The following MYOM2 variants were observed in gnomAD, a reference collection of about 807,000 sequenced individuals.
The protein encoded by MYOM2 is myomesin 2, also known as myomesin-2.
In MYOM2, 254 loss-of-function variants were observed where a neutral mutation model predicts 187.6. The observed-to-expected ratio is 1.35, with a 90% CI of 1.22 to 1.50. MYOM2 has a LOEUF of 1.50. MYOM2 is among the 40% of genes most tolerant of loss of function. The pLI is 0.00. For synonymous variants in MYOM2, 981 were observed against 753.8 expected, an observed-to-expected ratio of 1.30 and a Z score of -4.94; for missense variants, 2,796 against 1,924.0, an observed-to-expected ratio of 1.45 and a Z score of -8.48.
chr8:2,061,144 T>A (rs745639992), intron 6 of MYOM2, among the ~76,000 whole-genome samples: 8 of 151,150 alleles, frequency 5.3e-5, no homozygotes, highest in Non-Finnish European at 8.9e-5. Flanking sequence ...TGGGGCCTGG[T>A]TGGGAAGAGG....
chr8:2,071,569 T>C (rs867128848), intron 8 of MYOM2, among the ~76,000 whole-genome samples: 1 of 152,166 alleles, frequency 6.6e-6, no homozygotes, highest in African/African-American at 2.4e-5. Context: ...AGCCACAGTC[T>C]GGGGCTGAGG....
intron 25 of MYOM2, 35 bp from the exon 26 acceptor site, chr8:2,115,925 T>C (rs1444857945): frequency 4.4e-6 from 7 of 1,598,544 alleles, no homozygotes; most frequent in Non-Finnish European, 5.1e-6. Flanking sequence ...GAGATTTCCT[T>C]GTATAATTCT....
chr8:2,109,536 G>A lies in MYOM2; in HGVS notation c.3180+5G>A. On this transcript the variant is annotated splice_donor_5th_base_variant and intron_variant, in intron 25 of 36. Transcript: ENST00000262113. ...AGAGAAGTCTCTGACAGCGAGGTGA[G>A]TTCCTGTGTGAGTGATCTCTGGCTT... The A allele has an allele frequency of 3.7e-6, 6 of 1,606,286 alleles. No individual in the cohort carries two copies. The highest frequency in any genetic ancestry group is 1.1e-5 in the South Asian group (1 of 89,678).
At chr8:2,058,536 A>C (rs1818749365) in intron 5 of MYOM2, among the ~76,000 whole-genome samples, 1 of 152,230 alleles carries the variant, frequency 6.6e-6, no homozygotes, top group Non-Finnish European at 1.5e-5. Context: ...TAAGCCCTCA[A>C]GACCCTTTTT....
In MYOM2 at chr8:2,049,939, G is replaced by A. The variant is rs552925794; in HGVS notation, c.-12-816G>A. Among the ~76,000 whole-genome samples, 8 of 152,242 alleles carry A rather than the reference G, an allele frequency of 5.3e-5. No individual in the cohort carries two copies. In the South Asian group the frequency reaches 1.7e-3, roughly 32 times the overall value. On this transcript the variant is annotated intron_variant, in intron 1 of 36. Coordinates refer to ENST00000262113, the MANE Select transcript of MYOM2 (RefSeq NM_003970.4). ...TCTCGAATTTCCCCACATCCCTGAGGCTTTCATGCCAGGCTCTGTCCTCAC... is the reference window on the plus strand; with the variant it reads ...TCTCGAATTTCCCCACATCCCTGAGACTTTCATGCCAGGCTCTGTCCTCAC...
chr8:2,102,915 T>A (rs1796758503), intron 21 of MYOM2, 134 bp downstream of exon 21: 1 of 682,570 alleles, frequency 1.5e-6, no homozygotes, highest in Non-Finnish European at 2.6e-6. Flanking sequence ...TATGTGTGGA[T>A]GGGTCTGTAG....
At chr8:2,136,677 C>T (rs75552276) in intron 32 of MYOM2, among the ~76,000 whole-genome samples, 3,055 of 152,280 alleles carry the variant, frequency 0.02, 93 homozygotes, top group African/African-American at 0.07. Context: ...TGTCCAATTA[C>T]ACCAAAGTCA....
intron 15 of MYOM2, among the ~76,000 whole-genome samples, chr8:2,091,643 T>C (rs2116734285): frequency 6.6e-6 from 1 of 152,338 alleles, no homozygotes; most frequent in East Asian, 1.9e-4. Flanking sequence ...CAGGGCATCC[T>C]CAAGTTTCTA....
chr8:2,094,243 C>T (rs7828132), intron 17 of MYOM2, 152 bp downstream of exon 17: 212,364 of 935,646 alleles, frequency 0.23, 27,459 homozygotes, highest in African/African-American at 0.47. Context: ...TGAAGCCTCT[C>T]GGTTGGCTGC....
chr8:2,106,313 A>G lies in MYOM2; in HGVS notation c.2806A>G (p.Thr936Ala), dbSNP rs1193319239. 2 of 1,614,176 alleles carry G rather than the reference A, an allele frequency of 1.2e-6. No individual in the cohort carries two copies. The highest frequency in any genetic ancestry group is 2.7e-5 in the African/African-American group (2 of 75,054). ...IYLGFDCQEM[T>A]DASQFTWCKS... ...TCTGGGCTTCGACTGCCAGGAAATG[A>G]CAGACGCGTCTCAGTTCACCTGGTG... The change falls in exon 22 of 37, where the codon ACA (threonine) becomes GCA (alanine). Residue 936 changes from threonine to alanine, a missense_variant. Physicochemically the swap from Thr to Ala is moderately conservative, Grantham distance 58. Transcript: ENST00000262113.
At chr8:2,096,099 G>A (rs1796472570) in intron 17 of MYOM2, 148 bp from the exon 18 acceptor site, 2 of 693,426 alleles carry the variant, frequency 2.9e-6, no homozygotes, top group Admixed American at 2.5e-5. Flanking sequence ...AGGTGGTTAA[G>A]TGTGGGTTGA....
chr8:2,073,290 C>T, intron 9 of MYOM2, 49 bp from the exon 10 acceptor site: 9 of 1,571,110 alleles, frequency 5.7e-6, no homozygotes, highest in East Asian at 2.3e-5. Flanking sequence ...CTTTCTTTGC[C>T]TGCTGGGGTG....
intron 18 of MYOM2, chr8:2,097,066 TC>T: frequency 2.1e-6 from 2 of 954,006 alleles, no homozygotes; most frequent in Non-Finnish European, 2.5e-6. Context: ...ACACTACAGC[TC>T]CCGTCCGGAC....
intron 2 of MYOM2, among the ~76,000 whole-genome samples, chr8:2,051,669 C>T (rs992132753): frequency 4.6e-5 from 7 of 152,208 alleles, no homozygotes; most frequent in Non-Finnish European, 8.8e-5. Flanking sequence ...ATAATCCTGG[C>T]GTGGAGCCAG....
At chr8:2,133,224 G>A (rs1797937989) in intron 32 of MYOM2, among the ~76,000 whole-genome samples, 1 of 152,214 alleles carries the variant, frequency 6.6e-6, no homozygotes, top group Non-Finnish European at 1.5e-5. Flanking sequence ...TCTTCCCAAA[G>A]GAGGTCTGCA....
Position 2,078,748 on chromosome 8 carries a change from C to G in MYOM2, c.1277C>G (p.Thr426Arg), listed in dbSNP as rs200668762. 2.5e-6 allele frequency: 4 copies of G among 1,614,026 alleles called. No individual in the cohort carries two copies. In the East Asian group the frequency reaches 6.7e-5, roughly 27 times the overall value. Residue 426 changes from threonine to arginine, a missense_variant, in exon 12 of 37, where the codon ACG becomes AGG. Transcript: ENST00000262113. ...GYFVDRCEVG[T>R]NNWVQCNDAP... ...TTAACTTGAAGATGTGAAGTAGGAACGAATAATTGGGTGCAGTGCAATGAT... is the reference window on the plus strand; with the variant it reads ...TTAACTTGAAGATGTGAAGTAGGAAGGAATAATTGGGTGCAGTGCAATGAT...
At chr8:2,085,070 A>T in intron 13 of MYOM2, 193 bp from the exon 14 acceptor site, 1 of 626,180 alleles carries the variant, frequency 1.6e-6, no homozygotes, top group East Asian at 2.8e-5. Flanking sequence ...TGGAAGCAAA[A>T]CTAACTGGCT....
intron 28 of MYOM2, among the ~76,000 whole-genome samples, chr8:2,120,697 A>ATATAATATATATATAT (rs1797419842): frequency 2.4e-4 from 12 of 49,292 alleles, no homozygotes; most frequent in South Asian, 1.6e-3. Context: ...TAAATATATA[A>ATATAATATATATATAT]TATATATATT....
intron 8 of MYOM2, among the ~76,000 whole-genome samples, chr8:2,069,890 C>A (rs772064088): frequency 6.6e-6 from 1 of 152,188 alleles, no homozygotes; most frequent in Non-Finnish European, 1.5e-5. Context: ...CTGAATGCAT[C>A]ATGTTGCTGT....
Sources: allele counts gnomAD v4.1 joint callset (sites outside exome capture counted in the v4.1 genomes callset), GRCh38; gene constraint gnomAD v4.1.1; transcripts MANE v1.5; gene names NCBI Gene and HGNC (gene_info 2026-07-23, HGNC 2026-07-21).